XKR6: variants seen among roughly 807,000 people sequenced by gnomAD.
XKR6 encodes XK-related protein 6.
In XKR6, 22 loss-of-function variants were observed where a neutral mutation model predicts 56.7. That is an observed-to-expected ratio of 0.39 (90% CI 0.28 to 0.55). XKR6 has a LOEUF of 0.55. Ranked by LOEUF, XKR6 falls within the 20% of genes least tolerant of loss-of-function variation. XKR6 has a pLI of 0.66. For synonymous variants in XKR6, 524 were observed against 387.8 expected (o/e 1.35, Z -4.13); for missense variants, 852 against 889.0 (o/e 0.96, Z 0.53).
chr8:11,099,091 C>T (rs1798370313), intron 1 of XKR6, among the ~76,000 whole-genome samples: 1 of 152,176 alleles, frequency 6.6e-6, no homozygotes, highest in Admixed American at 6.5e-5. Flanking sequence ...TCGCCCTCCT[C>T]TGTCCAAAAA....
chr8:10,960,028 T>G (rs1430610258), intron 1 of XKR6, among the ~76,000 whole-genome samples: 1 of 152,092 alleles, frequency 6.6e-6, no homozygotes, highest in Non-Finnish European at 1.5e-5. Flanking sequence ...CTCCTTAAAA[T>G]TTGCACCTGG....
chr8:11,104,401 C>T (rs1798599085), intron 1 of XKR6, among the ~76,000 whole-genome samples: 2 of 152,198 alleles, frequency 1.3e-5, no homozygotes, highest in African/African-American at 4.8e-5. Flanking sequence ...ATATACAGCC[C>T]TTGGCACAGT....
At chr8:11,076,092 T>C (rs958174239) in intron 1 of XKR6, among the ~76,000 whole-genome samples, 1 of 152,176 alleles carries the variant, frequency 6.6e-6, no homozygotes, top group African/African-American at 2.4e-5. Context: ...ACCTCGATGA[T>C]AGTATGCTGA....
chr8:11,073,201 G>A (rs970101754), intron 1 of XKR6, among the ~76,000 whole-genome samples: 9 of 152,156 alleles, frequency 5.9e-5, no homozygotes, highest in African/African-American at 2.2e-4. Context: ...CCGAGTCCCT[G>A]TGGAATCCAT....
intron 1 of XKR6, among the ~76,000 whole-genome samples, chr8:11,076,273 C>T (rs1312547073): frequency 3.9e-5 from 6 of 152,002 alleles, no homozygotes; most frequent in African/African-American, 9.7e-5. Flanking sequence ...TTTTACACAG[C>T]GATAAAGTTC....
chr8:11,068,277 G>C lies in XKR6; in HGVS notation c.764+132299C>G, dbSNP rs184651432. Among the ~76,000 whole-genome samples, 213 of 152,282 alleles carry C rather than the reference G, an allele frequency of 1.4e-3. 5 individuals are homozygous for C. In the East Asian group the frequency reaches 0.038, roughly 27 times the overall value. ...GACCACCTCCTCTAGAGGCAGCCTG[G>C]GGGCGGCTATGGTCATCTTGATGAC... is the stretch of plus-strand genomic sequence containing the variant. On this transcript the variant is annotated intron_variant, in intron 1 of 2. Transcript: ENST00000416569.
chr8:11,139,951 G>A (rs1370222559), intron 1 of XKR6, among the ~76,000 whole-genome samples: 6 of 152,164 alleles, frequency 3.9e-5, no homozygotes, highest in Non-Finnish European at 8.8e-5. Flanking sequence ...TACAAGCCAT[G>A]AACGAAGGTA....
chr8:11,043,769 T>C (rs772809010), intron 1 of XKR6, among the ~76,000 whole-genome samples: 1 of 152,244 alleles, frequency 6.6e-6, no homozygotes, highest in Non-Finnish European at 1.5e-5. Flanking sequence ...TGCACCTCAT[T>C]ATACATACTC....
At chr8:10,950,865 C>T (rs1379967030) in intron 1 of XKR6, among the ~76,000 whole-genome samples, 2 of 152,318 alleles carry the variant, frequency 1.3e-5, no homozygotes, top group East Asian at 3.9e-4. Flanking sequence ...ATCAAAGCCT[C>T]ACAATTGCCC....
intron 1 of XKR6, among the ~76,000 whole-genome samples, chr8:10,999,138 A>G (rs1485725605): frequency 6.6e-6 from 1 of 152,218 alleles, no homozygotes; most frequent in Non-Finnish European, 1.5e-5. Flanking sequence ...TCAAGCATGC[A>G]TTAATATCAG....
At chr8:11,067,319 T>A (rs529896801) in intron 1 of XKR6, among the ~76,000 whole-genome samples, 2 of 152,204 alleles carry the variant, frequency 1.3e-5, no homozygotes, top group Admixed American at 1.3e-4. Context: ...TTCCCTTGCC[T>A]CCCGGACACC....
At chr8:10,941,764 AC>A (rs1046940411) in intron 1 of XKR6, among the ~76,000 whole-genome samples, 1 of 151,668 alleles carries the variant, frequency 6.6e-6, no homozygotes, top group East Asian at 1.9e-4. Flanking sequence ...GGGAGCTGAG[AC>A]CCCCCACCCT....
At chr8:10,961,884 G>C (rs2129130811) in intron 1 of XKR6, among the ~76,000 whole-genome samples, 1 of 152,322 alleles carries the variant, frequency 6.6e-6, no homozygotes, top group Middle Eastern at 3.4e-3. Context: ...TCCACCACCT[G>C]AGAGGCCCAA....
intron 1 of XKR6, among the ~76,000 whole-genome samples, chr8:11,077,935 T>G (rs1414909327): frequency 1.3e-5 from 2 of 151,966 alleles, no homozygotes; most frequent in Non-Finnish European, 1.5e-5. Flanking sequence ...CTACCTGCAC[T>G]GGCCGCCGGG....
chr8:11,178,861 G>A (rs752349596), intron 1 of XKR6, among the ~76,000 whole-genome samples: 5 of 150,986 alleles, frequency 3.3e-5, no homozygotes, highest in Non-Finnish European at 7.4e-5. Context: ...TTAGAGACAG[G>A]GTCTCACTCA....
At chr8:10,963,115 G>A (rs544203666) in intron 1 of XKR6, among the ~76,000 whole-genome samples, 10 of 152,286 alleles carry the variant, frequency 6.6e-5, no homozygotes, top group African/African-American at 9.6e-5. Context: ...CTCTCTCGGC[G>A]CTTCCAGGGG....
At chr8:11,101,402 T>C (rs1195172075) in intron 1 of XKR6, among the ~76,000 whole-genome samples, 2 of 152,182 alleles carry the variant, frequency 1.3e-5, no homozygotes, top group South Asian at 2.1e-4. Flanking sequence ...GAAATGACAA[T>C]GAATGGAGTA....
intron 1 of XKR6, among the ~76,000 whole-genome samples, chr8:11,059,456 C>G (rs1799771918): frequency 2.0e-5 from 3 of 152,166 alleles, no homozygotes; most frequent in Admixed American, 6.5e-5. Context: ...CCCGCGCCGG[C>G]GCCGAGAAGG....
chr8:11,018,386 G>A (rs377400355), intron 1 of XKR6, among the ~76,000 whole-genome samples: 12 of 152,176 alleles, frequency 7.9e-5, no homozygotes, highest in Admixed American at 3.9e-4. Flanking sequence ...GCATCCCAGC[G>A]CCTTCCTCCC....
Sources: gnomAD v4.1 joint callset for allele counts (sites outside exome capture counted in the v4.1 genomes callset) on GRCh38, gnomAD v4.1.1 for gene constraint, MANE v1.5 for transcripts, NCBI Gene and HGNC (gene_info 2026-07-23, HGNC 2026-07-21) for gene names.